Variants in MYO7B observed in about 807,000 individuals in gnomAD.
The protein encoded by MYO7B is unconventional myosin-VIIb.
A neutral mutation model predicts 259.7 loss-of-function variants in MYO7B; 212 were observed. That is an observed-to-expected ratio of 0.82 (90% CI 0.73 to 0.91). The LOEUF (loss-of-function observed/expected upper bound fraction) is 0.91. MYO7B is among the 40% of genes least tolerant of loss of function. MYO7B has a pLI of 0.00. For missense variants in MYO7B, 2,732 were observed against 2,813.5 expected (o/e 0.97, Z 0.66); for synonymous variants, 1,197 against 1,166.4 (o/e 1.03, Z -0.54).
chr2:127,541,537 G>C (rs6747979), intron 1 of MYO7B, among the ~76,000 whole-genome samples: 1,900 of 152,336 alleles, frequency 0.012, 35 homozygotes, highest in African/African-American at 0.044. Context: ...GGAAACAGTT[G>C]AACCAGGTCT....
intron 37 of MYO7B, 107 bp downstream of exon 37, chr2:127,631,470 C>A (rs1401730235): frequency 2.6e-6 from 4 of 1,540,026 alleles, no homozygotes; most frequent in Non-Finnish European, 3.5e-6. Context: ...CCCAGGAGAT[C>A]TGAGAAACCT....
intron 34 of MYO7B, among the ~76,000 whole-genome samples, chr2:127,629,344 C>T (rs1196416919): frequency 6.6e-6 from 1 of 152,196 alleles, no homozygotes; most frequent in Non-Finnish European, 1.5e-5. Flanking sequence ...CCAGCCTGTG[C>T]ATCCTCCCCT....
intron 6 of MYO7B, among the ~76,000 whole-genome samples, chr2:127,572,982 C>A (rs1678710257): frequency 6.6e-6 from 1 of 151,940 alleles, no homozygotes; most frequent in South Asian, 2.1e-4. Flanking sequence ...AAAGAGACAC[C>A]CAACCAGTCG....
At chr2:127,633,476 C>T in intron 40 of MYO7B, 113 bp downstream of exon 40, 6 of 1,004,686 alleles carry the variant, frequency 6.0e-6, no homozygotes, top group Non-Finnish European at 8.9e-6. Flanking sequence ...TTTTCTAGGG[C>T]TGTCCCATCC....
rs187829294 is a variant in MYO7B at position 127,627,068 on chromosome 2, C to G, written c.4309C>G (p.Leu1437Val). ...GCAGTGGCCGCTGCTCTTCTCCCGGCTCTTCGAAGTCATCACACTCTCAGG... is the reference window on the plus strand; with the variant it reads ...GCAGTGGCCGCTGCTCTTCTCCCGGGTCTTCGAAGTCATCACACTCTCAGG... ...RLQWPLLFSR[L>V]FEVITLSGPR... Residue 1437 changes from leucine to valine, a missense_variant, in exon 32 of 48, where the codon CTC (leucine) becomes GTC (valine). Physicochemically the swap from Leu to Val is conservative, Grantham distance 32. Transcript: ENST00000409816. This position sits in a 1 kb window ranked among gnomAD's most constrained non-coding sequence, Gnocchi z 5.6. The G allele has an allele frequency of 6.2e-7, 1 of 1,611,532 alleles. No homozygotes were observed.
rs72843355 is a variant in MYO7B at position 127,580,250 on chromosome 2, G to A, written c.1004-496G>A. ...TCCTAAGCTGGACGTTGGTTGAAGAGGAGGAACTGGAAGCTGGGAGGCCAG... is the reference window on the plus strand; with the variant it reads ...TCCTAAGCTGGACGTTGGTTGAAGAAGAGGAACTGGAAGCTGGGAGGCCAG... On this transcript the variant is annotated intron_variant, in intron 9 of 47. Transcript: ENST00000409816. 6.2e-3 allele frequency among the ~76,000 whole-genome samples: 945 copies of A among 152,340 alleles called. 7 individuals carry two copies. Among genetic ancestry groups the A allele is most frequent in the Admixed American group, 9.0e-3 (138 of 15,302 alleles).
chr2:127,637,117 C>T (rs1681878260), intron 47 of MYO7B, 199 bp from the exon 48 acceptor site: 7 of 1,026,468 alleles, frequency 6.8e-6, no homozygotes, highest in Admixed American at 2.0e-5. Flanking sequence ...CCCCTGCGCC[C>T]TTGGCCCATT....
chr2:127,618,328 G>A (rs1287156349), intron 26 of MYO7B, among the ~76,000 whole-genome samples: 1 of 152,178 alleles, frequency 6.6e-6, no homozygotes, highest in Non-Finnish European at 1.5e-5. Flanking sequence ...GGAAGAAAAA[G>A]GGCTCCCTAC....
rs561860831 is a variant in MYO7B at position 127,631,227 on chromosome 2, G to A, written c.4959G>A (p.Val1653=). ...EFFRAPEKDM[V]SMAVLPLARA... ...ACAGGGCTCCAGAGAAGGACATGGT[G>A]AGCATGGCCGTGCTGCCCCTGGCCC... The change falls in exon 37 of 48, where the codon GTG becomes GTA. Residue 1653 remains valine, a synonymous_variant. Coordinates refer to ENST00000409816, the MANE Select transcript of MYO7B (RefSeq NM_001393586.1). 6.2e-7 allele frequency: 1 copy of A among 1,606,932 alleles called. No individual in the cohort carries two copies.
intron 6 of MYO7B, among the ~76,000 whole-genome samples, chr2:127,571,163 G>C (rs1678588403): frequency 2.0e-5 from 3 of 152,186 alleles, no homozygotes; most frequent in African/African-American, 7.2e-5. Flanking sequence ...CTTCCGAAAT[G>C]TTTTCCAAAA....
chr2:127,633,967 G>C (rs1018794645), intron 40 of MYO7B, among the ~76,000 whole-genome samples: 7 of 152,220 alleles, frequency 4.6e-5, no homozygotes, highest in African/African-American at 1.4e-4. Context: ...AAAAGGCCAG[G>C]CCTGCAGGGC....
chr2:127,601,400 T>C (rs1157634886), intron 19 of MYO7B, among the ~76,000 whole-genome samples: 1 of 152,238 alleles, frequency 6.6e-6, no homozygotes, highest in East Asian at 1.9e-4. Context: ...GTTTTATCAA[T>C]TGTTGAGAGA....
intron 1 of MYO7B, among the ~76,000 whole-genome samples, chr2:127,543,174 A>G (rs1693076661): frequency 1.3e-5 from 2 of 152,294 alleles, no homozygotes; most frequent in African/African-American, 2.4e-5. Context: ...CCACGAGGCC[A>G]TATCTCAGGC....
rs566969625 is a variant in MYO7B, at chr2:127,632,522, C to T, written c.5405+121C>T. 7 of 1,291,346 alleles carry T rather than the reference C, an allele frequency of 5.4e-6. No homozygotes were observed. In the South Asian group the frequency reaches 1.2e-4, roughly 21 times the overall value. The allele number at this position is 1,291,346 out of a possible 1,614,324, so 80.0% of individuals were successfully genotyped here. On this transcript the variant is annotated intron_variant, in intron 39 of 47. Coordinates refer to ENST00000409816, the MANE Select transcript of MYO7B (RefSeq NM_001393586.1). ...GGGAGGACTCTCCAGAAGCCAGTGTCAGCTTGGCAGGCAGGATTGGGCCCC... is the reference window on the plus strand; with the variant it reads ...GGGAGGACTCTCCAGAAGCCAGTGTTAGCTTGGCAGGCAGGATTGGGCCCC...
intron 1 of MYO7B, among the ~76,000 whole-genome samples, chr2:127,555,363 T>TTTG (rs995103586): frequency 4.6e-5 from 7 of 152,310 alleles, no homozygotes; most frequent in South Asian, 2.1e-4. Context: ...TTTGTGGGTT[T>TTTG]TTGTTGTTGT....
intron 19 of MYO7B, among the ~76,000 whole-genome samples, chr2:127,605,011 C>T (rs1420003805): frequency 2.6e-5 from 4 of 152,218 alleles, no homozygotes; most frequent in Admixed American, 2.6e-4. Context: ...TAGCTCAACA[C>T]ACGGCTACCA....
chr2:127,593,018 C>G, intron 17 of MYO7B, 72 bp downstream of exon 17: 1 of 1,530,486 alleles, frequency 6.5e-7, no homozygotes, highest in Admixed American at 2.0e-5. Flanking sequence ...CCTCCAGCCC[C>G]CAGTACCGAG....
Position 127,597,449 on chromosome 2 carries a change from A to G in MYO7B, c.2339+893A>G, listed in dbSNP as rs1364519872. On this transcript the variant is annotated intron_variant, in intron 19 of 47. Transcript: ENST00000409816. This position sits in a 1 kb window ranked among gnomAD's most constrained non-coding sequence, Gnocchi z 4.8. ...CGCCCCCTCCCTCACACCTGCCCCC[A>G]GTGCTGCTTAACCCCAGCAACCTCT... Among the ~76,000 whole-genome samples, 1 of 151,808 alleles carries G rather than the reference A, an allele frequency of 6.6e-6. No homozygotes were observed. The highest frequency in any genetic ancestry group is 1.9e-4 in the East Asian group (1 of 5,176).
rs1679297615 is a variant in MYO7B at position 127,586,205 on chromosome 2, G to C, written c.1690+1292G>C. Among the ~76,000 whole-genome samples, 1 of 152,118 alleles carries C rather than the reference G, an allele frequency of 6.6e-6. No homozygotes were observed. The highest frequency in any genetic ancestry group is 6.5e-5 in the Admixed American group (1 of 15,272). ...GTGTTAGTTTTTACGTTAGGTCTTTGACCCATTTTGAGTTAATTTTGGGAT... is the reference window on the plus strand; with the variant it reads ...GTGTTAGTTTTTACGTTAGGTCTTTCACCCATTTTGAGTTAATTTTGGGAT... On this transcript the variant is annotated intron_variant, in intron 14 of 47. Coordinates refer to ENST00000409816, the MANE Select transcript of MYO7B (RefSeq NM_001393586.1). This position sits in a 1 kb window ranked among gnomAD's most constrained non-coding sequence, Gnocchi z 4.8.
Sources: gnomAD v4.1 joint callset for allele counts (sites outside exome capture counted in the v4.1 genomes callset) on GRCh38, gnomAD v4.1.1 for gene constraint, Gnocchi (gnomAD v3.1) non-coding constraint, MANE v1.5 for transcripts, NCBI Gene and HGNC (gene_info 2026-07-23, HGNC 2026-07-21) for gene names.